Variants in STK33 observed in about 807,000 individuals in gnomAD.
STK33 encodes the protein serine/threonine-protein kinase 33.
STK33 carries 52 observed loss-of-function variants against 58.0 expected under a neutral mutation model. That is an observed-to-expected ratio of 0.90 (90% CI 0.72 to 1.13). The LOEUF is 1.13. Ranked by LOEUF, STK33 falls within the 50% of genes most tolerant of loss-of-function variation. STK33 has a pLI of 0.00. For synonymous variants in STK33, 215 were observed against 200.1 expected, an observed-to-expected ratio of 1.07 and a Z score of -0.63; for missense variants, 630 against 604.2, an observed-to-expected ratio of 1.04 and a Z score of -0.45.
At chr11:8,495,138 T>A (rs1950956663) in intron 1 of STK33, among the ~76,000 whole-genome samples, 1 of 152,068 alleles carries the variant, frequency 6.6e-6, no homozygotes, top group Non-Finnish European at 1.5e-5. Flanking sequence ...CAAAAGAAAC[T>A]ACCCTCAGAG....
At chr11:8,491,232 T>G (rs1950586908) in intron 1 of STK33, among the ~76,000 whole-genome samples, 1 of 151,950 alleles carries the variant, frequency 6.6e-6, no homozygotes, top group African/African-American at 2.4e-5. Context: ...GAATAAACAG[T>G]GTAGAAAAGA....
intron 1 of STK33, among the ~76,000 whole-genome samples, chr11:8,577,714 G>GTT (rs1367666881): frequency 6.6e-6 from 1 of 152,080 alleles, no homozygotes; most frequent in Non-Finnish European, 1.5e-5. Context: ...CTATGAAGGT[G>GTT]TAAGTATACA....
chr11:8,434,318 C>T (rs1943794701), intron 14 of STK33: 1 of 179,846 alleles, frequency 5.6e-6, no homozygotes, highest in Non-Finnish European at 1.2e-5. Context: ...ATCATGTATC[C>T]CCAATACCTA....
At chr11:8,490,050 A>T (rs1256456218) in intron 1 of STK33, among the ~76,000 whole-genome samples, 1 of 152,170 alleles carries the variant, frequency 6.6e-6, no homozygotes, top group African/African-American at 2.4e-5. Context: ...TACCTGGTTC[A>T]TCTCATTGGG....
chr11:8,455,728 G>A (rs1041032927), intron 9 of STK33, among the ~76,000 whole-genome samples: 5 of 148,864 alleles, frequency 3.4e-5, no homozygotes, highest in African/African-American at 4.9e-5. Flanking sequence ...GGAGAATGGC[G>A]TGAGGCTGGG....
intron 1 of STK33, among the ~76,000 whole-genome samples, chr11:8,564,853 G>A (rs1363325174): frequency 6.6e-6 from 1 of 152,180 alleles, no homozygotes; most frequent in African/African-American, 2.4e-5. Flanking sequence ...GAAGAAAGCT[G>A]ACATTCTGTC....
chr11:8,425,189 C>T (rs1316503679), intron 14 of STK33, among the ~76,000 whole-genome samples: 1 of 152,114 alleles, frequency 6.6e-6, no homozygotes, highest in Admixed American at 6.5e-5. Flanking sequence ...GATCCAGTTT[C>T]AGCTTTCTAC....
chr11:8,393,619 C>T (rs1431521180), intron 15 of STK33, among the ~76,000 whole-genome samples: 5 of 152,114 alleles, frequency 3.3e-5, no homozygotes, highest in Admixed American at 2.6e-4. Flanking sequence ...AGAGAATGAT[C>T]GAGGAAAGAG....
chr11:8,503,427 G>A (rs546404671), intron 1 of STK33, among the ~76,000 whole-genome samples: 29 of 152,124 alleles, frequency 1.9e-4, no homozygotes, highest in Admixed American at 7.2e-4. Flanking sequence ...GAGTACACAT[G>A]GACACAAAGA....
intron 1 of STK33, among the ~76,000 whole-genome samples, chr11:8,513,346 C>A (rs903981214): frequency 6.6e-6 from 1 of 152,118 alleles, no homozygotes; most frequent in African/African-American, 2.4e-5. Flanking sequence ...CCGTTCCTAC[C>A]ACCTTGCTTT....
chr11:8,473,120 G>T, intron 6 of STK33, 43 bp downstream of exon 6: 1 of 1,291,358 alleles, frequency 7.7e-7, no homozygotes, highest in South Asian at 1.4e-5. Context: ...TGACTTAGAA[G>T]AAACCTGAAA....
intron 1 of STK33, among the ~76,000 whole-genome samples, chr11:8,490,819 C>T (rs1950555136): frequency 6.6e-6 from 1 of 152,150 alleles, no homozygotes; most frequent in African/African-American, 2.4e-5. Flanking sequence ...AGACCTCCAG[C>T]AAACTCCAAC....
At chr11:8,548,785 T>C (rs1453282308) in intron 1 of STK33, among the ~76,000 whole-genome samples, 1 of 152,202 alleles carries the variant, frequency 6.6e-6, no homozygotes, top group Non-Finnish European at 1.5e-5. Flanking sequence ...ATTTCTTTCT[T>C]CATATTTTAT....
the STK33 span, among the ~76,000 whole-genome samples, chr11:8,345,147 C>T: frequency 6.6e-6 from 1 of 152,188 alleles, no homozygotes. Context: ...CCCCAAGGCT[C>T]TAAGCATCTC....
At chr11:8,388,204 T>C (rs1276290043), downstream of STK33, among the ~76,000 whole-genome samples, 1 of 152,134 alleles carries the variant, frequency 6.6e-6, no homozygotes, top group Non-Finnish European at 1.5e-5. Flanking sequence ...ATGGTGACAC[T>C]GCAAAAGTCC....
chr11:8,397,070 T>C (rs1375695211), intron 15 of STK33, among the ~76,000 whole-genome samples: 2 of 152,188 alleles, frequency 1.3e-5, no homozygotes, highest in African/African-American at 2.4e-5. Flanking sequence ...AGCAGAATCC[T>C]CTGCAGACTT....
At chr11:8,384,458 G>A in the STK33 span, among the ~76,000 whole-genome samples, 21 of 152,286 alleles carry the variant, frequency 1.4e-4, no homozygotes, top group African/African-American at 4.3e-4. Flanking sequence ...GCGGGAGGTC[G>A]GACATTAGCC....
chr11:8,416,794 C>G (rs1186398868), intron 14 of STK33, among the ~76,000 whole-genome samples: 2 of 152,092 alleles, frequency 1.3e-5, no homozygotes, highest in Non-Finnish European at 2.9e-5. Context: ...GAGTATTATC[C>G]CTATTTCCTA....
At chr11:8,353,063 C>A in the STK33 span, among the ~76,000 whole-genome samples, 5 of 152,342 alleles carry the variant, frequency 3.3e-5, no homozygotes, top group South Asian at 1.0e-3. Flanking sequence ...GTCTTTCACT[C>A]CCTAGATCTA....
Sources: gnomAD v4.1 joint callset for allele counts (sites outside exome capture counted in the v4.1 genomes callset) on GRCh38, gnomAD v4.1.1 for gene constraint, MANE v1.5 for transcripts, NCBI Gene and HGNC (gene_info 2026-07-23, HGNC 2026-07-21) for gene names.